Variants in HDX observed in about 807,000 individuals in gnomAD.
HDX encodes the protein chromosome X open reading frame 43.
In HDX, 19 loss-of-function variants were observed where a neutral mutation model predicts 45.2. The observed-to-expected ratio is 0.42, with a 90% CI of 0.29 to 0.62. HDX has a LOEUF of 0.62. HDX is among the 20% of genes least tolerant of loss of function. HDX has a pLI of 0.20. For missense variants in HDX, 532 were observed against 493.9 expected, an observed-to-expected ratio of 1.08 and a Z score of -0.73; for synonymous variants, 188 against 172.8, an observed-to-expected ratio of 1.09 and a Z score of -0.69.
intron 7 of HDX, among the ~76,000 whole-genome samples, chrX:84,343,266 T>C (rs1481479690): frequency 9.0e-6 from 1 of 110,573 alleles, no homozygotes; most frequent in Non-Finnish European, 1.9e-5. Flanking sequence ...AATGATTTTA[T>C]TTTGAGACAG....
intron 4 of HDX, among the ~76,000 whole-genome samples, chrX:84,467,535 G>A (rs2040374936): frequency 9.2e-6 from 1 of 109,041 alleles, no homozygotes; most frequent in African/African-American, 3.4e-5. Context: ...GCTGAGGCGG[G>A]AGAATCGCTT....
chrX:84,463,721 G>A (rs1056268096), intron 4 of HDX, among the ~76,000 whole-genome samples: 2 of 110,550 alleles, frequency 1.8e-5, no homozygotes, highest in African/African-American at 6.6e-5. Context: ...TTGACATAGA[G>A]GTAATATGAA....
chrX:84,417,221 AAAGAAAG>A (rs749417986), intron 5 of HDX, among the ~76,000 whole-genome samples: 8 of 107,077 alleles, frequency 7.5e-5, no homozygotes, highest in Non-Finnish European at 1.2e-4. Context: ...AAAAAGAGAG[AAAGAAAG>A]AAAGAAAGAA....
At chrX:84,385,502 C>G (rs1233453354) in intron 5 of HDX, among the ~76,000 whole-genome samples, 8 of 110,272 alleles carry the variant, frequency 7.3e-5, no homozygotes, top group East Asian at 2.9e-4. Context: ...CGTGAGCCAC[C>G]GCGCCCGGCC....
intron 4 of HDX, among the ~76,000 whole-genome samples, chrX:84,446,567 A>G (rs2039878812): frequency 9.0e-6 from 1 of 111,236 alleles, no homozygotes; most frequent in Admixed American, 9.6e-5. Context: ...TTGCATTAAC[A>G]CTGTATGGAC....
intron 5 of HDX, among the ~76,000 whole-genome samples, chrX:84,385,634 T>C (rs1915606979): frequency 9.0e-6 from 1 of 110,574 alleles, no homozygotes; most frequent in African/African-American, 3.3e-5. Flanking sequence ...TGGGATTGTG[T>C]TCTTGATTCG....
chrX:84,445,651 A>G (rs770295205), intron 4 of HDX, among the ~76,000 whole-genome samples: 8 of 109,037 alleles, frequency 7.3e-5, no homozygotes, highest in Non-Finnish European at 1.5e-4. Flanking sequence ...ATTGAGAACA[A>G]TGTGTTCTGG....
intron 5 of HDX, among the ~76,000 whole-genome samples, chrX:84,398,286 G>A (rs143277219): frequency 2.8e-3 from 311 of 111,039 alleles, no homozygotes; most frequent in African/African-American, 1.0e-2. Flanking sequence ...GTGGCAAATT[G>A]GATAAAGAGT....
At chrX:84,351,994 A>G (rs1290885991) in intron 6 of HDX, among the ~76,000 whole-genome samples, 5 of 112,109 alleles carry the variant, frequency 4.5e-5, no homozygotes, top group Non-Finnish European at 7.5e-5. Context: ...AACCTAAAGT[A>G]GTGTAGAAAA....
At chrX:84,387,897 C>T (rs1231711969) in intron 5 of HDX, among the ~76,000 whole-genome samples, 1 of 111,622 alleles carries the variant, frequency 9.0e-6, no homozygotes, top group Non-Finnish European at 1.9e-5. Flanking sequence ...CTTTATAGAA[C>T]CTGTGTGCTG....
chrX:84,411,819 A>G (rs895875699), intron 5 of HDX, among the ~76,000 whole-genome samples: 5 of 111,766 alleles, frequency 4.5e-5, no homozygotes, highest in Non-Finnish European at 7.5e-5. Context: ...TAGGTCTTTA[A>G]TAATTTGTTT....
chrX:84,428,187 T>C (rs930780238), intron 5 of HDX, among the ~76,000 whole-genome samples: 3 of 110,460 alleles, frequency 2.7e-5, no homozygotes, highest in Non-Finnish European at 3.8e-5. Context: ...GATCCTTTTA[T>C]CAGATAGATC....
chrX:84,396,910 G>A (rs1296411672), intron 5 of HDX, among the ~76,000 whole-genome samples: 1 of 111,402 alleles, frequency 9.0e-6, no homozygotes, highest in Non-Finnish European at 1.9e-5. Flanking sequence ...CATTGGTTGT[G>A]GTAGGTAGGG....
At chrX:84,439,974 A>G (rs942048533) in intron 5 of HDX, 3 of 111,648 alleles carry the variant, frequency 2.7e-5, no homozygotes, top group Admixed American at 1.9e-4. Flanking sequence ...CTCCTGGGAT[A>G]TTTGCCAAAA....
intron 2 of HDX, among the ~76,000 whole-genome samples, chrX:84,483,798 C>T (rs918440236): frequency 1.1e-4 from 12 of 112,061 alleles, no homozygotes; most frequent in African/African-American, 3.9e-4. Context: ...GCTCTGCTTC[C>T]TCTTGAATGC....
chrX:84,402,954 C>T (rs1481664284), intron 5 of HDX, among the ~76,000 whole-genome samples: 2 of 111,149 alleles, frequency 1.8e-5, no homozygotes, highest in Non-Finnish European at 3.8e-5. Context: ...GAAGATTACC[C>T]TTGCACGAAA....
intron 3 of HDX, among the ~76,000 whole-genome samples, chrX:84,473,952 T>C (rs144698983): frequency 0.01 from 1,138 of 112,307 alleles, 23 homozygotes; most frequent in African/African-American, 0.036. Flanking sequence ...TATTTCTGGT[T>C]CTTAAACAAA....
intron 5 of HDX, among the ~76,000 whole-genome samples, chrX:84,427,032 GC>G (rs1363995638): frequency 1.8e-5 from 2 of 110,523 alleles, no homozygotes; most frequent in Non-Finnish European, 3.8e-5. Context: ...ACTGTATTTT[GC>G]CCCTTATAAT....
At chrX:84,358,780 T>C (rs1366300430) in intron 6 of HDX, among the ~76,000 whole-genome samples, 1 of 112,035 alleles carries the variant, frequency 8.9e-6, no homozygotes, top group African/African-American at 3.2e-5. Context: ...CTGGCTGCAC[T>C]TGAACTCTTG....
Sources: allele counts gnomAD v4.1 joint callset (sites outside exome capture counted in the v4.1 genomes callset), GRCh38; gene constraint gnomAD v4.1.1; transcripts MANE v1.5; gene names NCBI Gene and HGNC (gene_info 2026-07-23, HGNC 2026-07-21).